ADGRL4: variants seen among roughly 807,000 people sequenced by gnomAD.
The protein encoded by ADGRL4 is EGF, latrophilin and seven transmembrane domain containing 1.
ADGRL4 carries 90 observed loss-of-function variants against 74.8 expected under a neutral mutation model. That is an observed-to-expected ratio of 1.20 (90% CI 1.02 to 1.43). The LOEUF (loss-of-function observed/expected upper bound fraction) is 1.43, where lower values mean the gene tolerates loss of function less well. Among genes scored for constraint, ADGRL4 ranks in the 40% most tolerant of loss-of-function variants. ADGRL4 has a pLI of 0.00. For missense variants in ADGRL4, 881 were observed against 814.3 expected, an observed-to-expected ratio of 1.08 and a Z score of -1.00; for synonymous variants, 311 against 279.2, an observed-to-expected ratio of 1.11 and a Z score of -1.14.
intron 7 of ADGRL4, among the ~76,000 whole-genome samples, chr1:78,931,291 A>G (rs1195137673): frequency 6.6e-6 from 1 of 151,462 alleles, no homozygotes; most frequent in Admixed American, 6.6e-5. Flanking sequence ...ATTCTTTAAG[A>G]AAAGAATTTT....
intron 2 of ADGRL4, among the ~76,000 whole-genome samples, chr1:78,949,637 T>A (rs971770750): frequency 1.3e-5 from 2 of 152,146 alleles, no homozygotes; most frequent in African/African-American, 4.8e-5. Flanking sequence ...AACTTCATAA[T>A]AATTAATCTT....
At chr1:78,942,822 T>C (rs1649516178) in intron 3 of ADGRL4, among the ~76,000 whole-genome samples, 1 of 151,942 alleles carries the variant, frequency 6.6e-6, no homozygotes. Context: ...CCCAGCTATT[T>C]GGGAAGCTGA....
intron 2 of ADGRL4, among the ~76,000 whole-genome samples, chr1:78,993,098 A>T (rs1650640596): frequency 6.6e-6 from 1 of 152,134 alleles, no homozygotes; most frequent in African/African-American, 2.4e-5. Context: ...GGGTTAAAAT[A>T]CGTTTTTTTA....
intron 12 of ADGRL4, among the ~76,000 whole-genome samples, chr1:78,903,200 T>C (rs1648555804): frequency 6.6e-6 from 1 of 152,210 alleles, no homozygotes; most frequent in Non-Finnish European, 1.5e-5. Context: ...CCACCCTCTT[T>C]ATCTTTCAGC....
chr1:78,959,358 A>G (rs966054317), intron 2 of ADGRL4, among the ~76,000 whole-genome samples: 1 of 152,242 alleles, frequency 6.6e-6, no homozygotes, highest in African/African-American at 2.4e-5. Flanking sequence ...AAGTATATTT[A>G]GAAACTGCAA....
intron 3 of ADGRL4, among the ~76,000 whole-genome samples, chr1:78,945,178 ATATAT>A (rs1407867127): frequency 2.3e-4 from 12 of 52,640 alleles, no homozygotes; most frequent in African/African-American, 7.2e-4. Flanking sequence ...AAAAAAAAAA[ATATAT>A]ATATATATAT....
intron 13 of ADGRL4, among the ~76,000 whole-genome samples, chr1:78,892,562 C>T (rs1648305737): frequency 6.6e-6 from 1 of 152,066 alleles, no homozygotes; most frequent in African/African-American, 2.4e-5. Context: ...AGTAATCGAT[C>T]AAACATTTAT....
intron 12 of ADGRL4, among the ~76,000 whole-genome samples, chr1:78,899,408 G>A (rs1648471767): frequency 6.6e-6 from 1 of 152,148 alleles, no homozygotes; most frequent in East Asian, 1.9e-4. Context: ...AGGCTGGAGT[G>A]CAGCGGTGCA....
In ADGRL4 at chr1:78,920,260, T is replaced by C. The variant is rs1557497729; in HGVS notation, c.1384A>G (p.Ile462Val). Residue 462 changes from isoleucine (I) to valine (V), a missense_variant, in exon 10 of 15, where the codon ATT becomes GTT. Coordinates refer to ENST00000370742, the MANE Select transcript of ADGRL4 (RefSeq NM_022159.4). ...AGGCTACAGCAAAGATTTTTGTGAA[T>C]TGTTGTCCTGGTGCTTTGAATTTCA... The part of the protein sequence containing the change: ...FSEIQSTRTT[I>V]HKNLCCSLFL... The C allele has an allele frequency of 6.2e-7, 1 of 1,612,048 alleles. No individual in the cohort carries two copies. Among genetic ancestry groups the C allele is most frequent in the African/African-American group, 1.3e-5 (1 of 74,790 alleles).
chr1:78,968,952 G>T (rs1485644610), intron 2 of ADGRL4, among the ~76,000 whole-genome samples: 1 of 152,190 alleles, frequency 6.6e-6, no homozygotes, highest in Non-Finnish European at 1.5e-5. Flanking sequence ...ATGAGGAGCT[G>T]AAATGTTCAA....
chr1:78,996,729 C>T (rs1028910406), intron 2 of ADGRL4, among the ~76,000 whole-genome samples: 3 of 152,174 alleles, frequency 2.0e-5, no homozygotes, highest in African/African-American at 2.4e-5. Context: ...ATTCCATCTT[C>T]GCTTTTTAGC....
intron 12 of ADGRL4, among the ~76,000 whole-genome samples, chr1:78,903,310 A>C (rs1648557930): frequency 6.6e-6 from 1 of 152,174 alleles, no homozygotes. Context: ...GATGTCTCCA[A>C]GTGCACTGTG....
At chr1:78,992,039 GCAGT>G (rs1041048302) in intron 2 of ADGRL4, among the ~76,000 whole-genome samples, 12 of 151,984 alleles carry the variant, frequency 7.9e-5, no homozygotes, top group African/African-American at 2.9e-4. Context: ...AAAATACAGT[GCAGT>G]CAGTCAGTCA....
At chr1:78,993,861 C>T (rs1277754816) in intron 2 of ADGRL4, among the ~76,000 whole-genome samples, 1 of 152,270 alleles carries the variant, frequency 6.6e-6, no homozygotes, top group Non-Finnish European at 1.5e-5. Context: ...GCATGAGACA[C>T]CGCACCCGGC....
chr1:78,895,696 TAAAGATGGCTGGAGTATAGTAAGC>T (rs1251294554), intron 12 of ADGRL4, among the ~76,000 whole-genome samples: 5 of 152,102 alleles, frequency 3.3e-5, no homozygotes, highest in Non-Finnish European at 7.4e-5. Flanking sequence ...AAACAATTGA[TAAAGATGGCTGGAGTATAGTAAGC>T]AAAGCGACGA....
chr1:78,900,353 C>T (rs947181122), intron 12 of ADGRL4, among the ~76,000 whole-genome samples: 3 of 152,152 alleles, frequency 2.0e-5, no homozygotes, highest in Non-Finnish European at 2.9e-5. Flanking sequence ...ATGCGTCATG[C>T]TATACCCAGA....
chr1:78,909,761 G>A (rs1447020140), intron 12 of ADGRL4, among the ~76,000 whole-genome samples: 1 of 151,676 alleles, frequency 6.6e-6, no homozygotes, highest in Non-Finnish European at 1.5e-5. Flanking sequence ...TTTAAAATCT[G>A]TATATACTTG....
intron 7 of ADGRL4, among the ~76,000 whole-genome samples, chr1:78,932,523 C>T (rs1189447453): frequency 1.4e-5 from 2 of 144,318 alleles, no homozygotes; most frequent in Non-Finnish European, 3.0e-5. Flanking sequence ...GCTAGAGAAG[C>T]AAGAGCAAAC....
At chr1:78,920,674 A>G (rs1017070019) in intron 9 of ADGRL4, among the ~76,000 whole-genome samples, 3 of 151,882 alleles carry the variant, frequency 2.0e-5, no homozygotes, top group African/African-American at 7.2e-5. Context: ...TGTTATCGTC[A>G]TTAATTTCAC....
Sources: gnomAD v4.1 joint callset for allele counts (sites outside exome capture counted in the v4.1 genomes callset) on GRCh38, gnomAD v4.1.1 for gene constraint, MANE v1.5 for transcripts, NCBI Gene and HGNC (gene_info 2026-07-23, HGNC 2026-07-21) for gene names.